The following IL1RAPL1 variants were observed in gnomAD, a reference collection of about 807,000 sequenced individuals.
IL1RAPL1 encodes interleukin 1 receptor accessory protein like 1, also known as interleukin-1 receptor accessory protein-like 1.
In IL1RAPL1, 3 loss-of-function variants were observed where a neutral mutation model predicts 48.4. The observed-to-expected ratio is 0.06, with a 90% CI of 0.03 to 0.16. The LOEUF is 0.16. IL1RAPL1 is among the 10% of genes least tolerant of loss of function. IL1RAPL1 has a pLI of 1.00. For missense variants in IL1RAPL1, 349 were observed against 530.6 expected, an observed-to-expected ratio of 0.66 and a Z score of 3.36; for synonymous variants, 185 against 187.7, an observed-to-expected ratio of 0.99 and a Z score of 0.12.
intron 3 of IL1RAPL1, among the ~76,000 whole-genome samples, chrX:29,332,840 GTGATGACTCTTAACGAGCA>G: frequency 9.1e-6 from 1 of 109,908 alleles, no homozygotes; most frequent in Non-Finnish European, 1.9e-5. Context: ...TTAGGGAGTG[GTGATGACTCTTAACGAGCA>G]TGCTGCCTTC....
chrX:28,842,347 C>T (rs998776424), intron 2 of IL1RAPL1, among the ~76,000 whole-genome samples: 23 of 110,565 alleles, frequency 2.1e-4, no homozygotes, highest in African/African-American at 6.6e-4. Context: ...ATTTTATGAA[C>T]GATTCAACCT....
chrX:29,286,684 G>A (rs1407427344), intron 3 of IL1RAPL1, among the ~76,000 whole-genome samples: 3 of 111,461 alleles, frequency 2.7e-5, no homozygotes, highest in African/African-American at 9.8e-5. Flanking sequence ...GCAAGACCTT[G>A]TCTCTTAAAA....
At chrX:28,685,608 G>C (rs2146922262) in intron 1 of IL1RAPL1, among the ~76,000 whole-genome samples, 1 of 111,492 alleles carries the variant, frequency 9.0e-6, no homozygotes, top group East Asian at 2.8e-4. Flanking sequence ...CTGAAATCAG[G>C]GTTTAATCTG....
chrX:29,917,348 T>C, intron 6 of IL1RAPL1, 116 bp from the exon 7 acceptor site: 1 of 682,634 alleles, frequency 1.5e-6, no homozygotes, highest in Admixed American at 3.5e-5. Flanking sequence ...AATTATTCTT[T>C]TAGAAAGATA....
At chrX:28,703,683 T>C (rs1935328332) in intron 1 of IL1RAPL1, among the ~76,000 whole-genome samples, 1 of 111,784 alleles carries the variant, frequency 8.9e-6, no homozygotes, top group Admixed American at 9.5e-5. Flanking sequence ...CACTCTTTTT[T>C]CTGTTATTAG....
intron 6 of IL1RAPL1, among the ~76,000 whole-genome samples, chrX:29,899,120 GGTGT>G (rs112187676): frequency 1.9e-5 from 2 of 107,332 alleles, no homozygotes; most frequent in Non-Finnish European, 3.9e-5. Context: ...TATTTATTAG[GGTGT>G]GTGTGTGTGT....
chrX:28,808,330 A>G (rs1332648275), intron 2 of IL1RAPL1, among the ~76,000 whole-genome samples: 1 of 111,337 alleles, frequency 9.0e-6, no homozygotes, highest in Non-Finnish European at 1.9e-5. Context: ...ATGTGGTTAT[A>G]CCACACCATC....
chrX:29,258,206 C>T (rs771682646), intron 2 of IL1RAPL1, among the ~76,000 whole-genome samples: 18 of 110,387 alleles, frequency 1.6e-4, no homozygotes, highest in Non-Finnish European at 2.8e-4. Context: ...GCCACGTTGT[C>T]GCTTTAAAAA....
chrX:28,895,709 C>G, intron 2 of IL1RAPL1, among the ~76,000 whole-genome samples: 1 of 111,686 alleles, frequency 9.0e-6, no homozygotes, highest in East Asian at 2.8e-4. Context: ...TTAAGGGAAA[C>G]AGGCCCTTGA....
At chrX:29,703,404 G>A (rs1038737950) in intron 6 of IL1RAPL1, among the ~76,000 whole-genome samples, 19 of 110,502 alleles carry the variant, frequency 1.7e-4, no homozygotes, top group African/African-American at 5.3e-4. Flanking sequence ...GTGCGGTGGC[G>A]TGATCTCCGC....
intron 2 of IL1RAPL1, among the ~76,000 whole-genome samples, 165 bp from the exon 3 acceptor site, chrX:29,282,773 G>A (rs1932222271): frequency 8.9e-6 from 1 of 112,088 alleles, no homozygotes; most frequent in Non-Finnish European, 1.9e-5. Flanking sequence ...ACTTTGCAGG[G>A]CCATTCTCAG....
chrX:29,930,714 A>T (rs988374823), intron 8 of IL1RAPL1, among the ~76,000 whole-genome samples: 3 of 111,881 alleles, frequency 2.7e-5, no homozygotes, highest in African/African-American at 9.7e-5. Flanking sequence ...GAAACCTATC[A>T]TTACTCTCTG....
intron 2 of IL1RAPL1, among the ~76,000 whole-genome samples, chrX:29,138,910 T>A (rs1272815230): frequency 8.9e-6 from 1 of 111,876 alleles, no homozygotes; most frequent in East Asian, 2.8e-4. Flanking sequence ...AAGGATATAT[T>A]GAATAATAAC....
chrX:29,045,363 A>G (rs1174243492), intron 2 of IL1RAPL1, among the ~76,000 whole-genome samples: 1 of 112,629 alleles, frequency 8.9e-6, no homozygotes, highest in Non-Finnish European at 1.9e-5. Flanking sequence ...AAAACATGGC[A>G]ATACAAACCA....
intron 2 of IL1RAPL1, among the ~76,000 whole-genome samples, chrX:29,168,125 TATG>T (rs1483969767): frequency 9.0e-6 from 1 of 110,579 alleles, no homozygotes; most frequent in Non-Finnish European, 1.9e-5. Context: ...GTATACATAG[TATG>T]AGGATAAAAT....
chrX:29,589,656 C>T (rs1439340659), intron 5 of IL1RAPL1, among the ~76,000 whole-genome samples: 1 of 110,874 alleles, frequency 9.0e-6, no homozygotes, highest in East Asian at 2.8e-4. Flanking sequence ...GACTCAATTT[C>T]CTAAACTGTG....
intron 8 of IL1RAPL1, among the ~76,000 whole-genome samples, chrX:29,923,862 A>T (rs1166156813): frequency 8.9e-6 from 1 of 111,881 alleles, no homozygotes; most frequent in Non-Finnish European, 1.9e-5. Flanking sequence ...TCTTGTACCC[A>T]TCAAGCTGTC....
At chrX:28,964,560 G>A (rs995524085) in intron 2 of IL1RAPL1, among the ~76,000 whole-genome samples, 4 of 111,764 alleles carry the variant, frequency 3.6e-5, no homozygotes, top group Non-Finnish European at 5.7e-5. Flanking sequence ...TAAATTTCTA[G>A]TAGCCAAGTT....
At chrX:29,076,989 G>T (rs1410498140) in intron 2 of IL1RAPL1, among the ~76,000 whole-genome samples, 2 of 112,339 alleles carry the variant, frequency 1.8e-5, no homozygotes, top group African/African-American at 6.5e-5. Context: ...GCTAAAGGTC[G>T]AGGGCCAAGG....
Sources: allele counts gnomAD v4.1 joint callset (sites outside exome capture counted in the v4.1 genomes callset), GRCh38; gene constraint gnomAD v4.1.1; transcripts MANE v1.5; gene names NCBI Gene and HGNC (gene_info 2026-07-23, HGNC 2026-07-21).